Variants in GRHL2 observed in about 807,000 individuals in gnomAD.
GRHL2 encodes grainyhead like transcription factor 2, also known as grainyhead-like protein 2 homolog.
GRHL2 carries 21 observed loss-of-function variants against 83.8 expected under a neutral mutation model. The observed-to-expected ratio is 0.25, with a 90% CI of 0.18 to 0.36. GRHL2 has a LOEUF of 0.36. Among genes scored for constraint, GRHL2 ranks in the 10% least tolerant of loss-of-function variants. The pLI is 1.00. For synonymous variants in GRHL2, 280 were observed against 278.9 expected (o/e 1.00, Z -0.04); for missense variants, 623 against 781.8 (o/e 0.80, Z 2.42).
At position 101,543,250 on chromosome 8, in the gene GRHL2, A is replaced by G; in HGVS notation, c.30A>G (p.Arg10=). The change falls in exon 2 of 16, where the codon AGA becomes AGG. Residue 10 remains arginine (R), a synonymous_variant. Transcript: ENST00000646743. MSQESDNNK[R]LVALVPMPSD... ...TCTCTTGTTTTTACAGTAATAAAAG[A>G]CTAGTGGCCTTAGTGCCCATGCCCA... The G allele has an allele frequency of 6.2e-7, 1 of 1,613,834 alleles. No individual in the cohort carries two copies. Among genetic ancestry groups the G allele is most frequent in the Non-Finnish European group, 8.5e-7 (1 of 1,179,684 alleles).
intron 4 of GRHL2, chr8:101,562,479 C>T (rs930946776): frequency 4.7e-5 from 16 of 338,078 alleles, no homozygotes; most frequent in Non-Finnish European, 8.7e-5. Context: ...TAACACTTCT[C>T]AATATGCATA....
At chr8:101,503,434 C>A (rs928785016) in intron 1 of GRHL2, among the ~76,000 whole-genome samples, 3 of 152,150 alleles carry the variant, frequency 2.0e-5, no homozygotes, top group African/African-American at 4.8e-5. Context: ...GATGATATAA[C>A]AGAGATATTC....
chr8:101,577,144 G>A (rs1340825991), intron 6 of GRHL2, among the ~76,000 whole-genome samples: 7 of 151,924 alleles, frequency 4.6e-5, no homozygotes, highest in African/African-American at 1.7e-4. Flanking sequence ...GGTTAATCCA[G>A]TTGTTTATAA....
chr8:101,562,777 T>G (rs1362478814), intron 4 of GRHL2, among the ~76,000 whole-genome samples: 1 of 152,186 alleles, frequency 6.6e-6, no homozygotes, highest in African/African-American at 2.4e-5. Context: ...CTTCACTGTT[T>G]AGGAGCACTG....
intron 1 of GRHL2, among the ~76,000 whole-genome samples, chr8:101,527,661 T>C (rs1248994446): frequency 6.6e-6 from 1 of 152,260 alleles, no homozygotes; most frequent in African/African-American, 2.4e-5. Flanking sequence ...TATTCTCTGA[T>C]GGCTGTATCA....
At chr8:101,652,421 GTGTGGTGTGT>G (rs1813664989) in intron 14 of GRHL2, among the ~76,000 whole-genome samples, 6 of 85,668 alleles carry the variant, frequency 7.0e-5, no homozygotes, top group African/African-American at 1.3e-4. Context: ...TGGTGTGTGT[GTGTGGTGTGT>G]GTGTCTGGTG....
At chr8:101,601,992 G>A (rs1048850951) in intron 8 of GRHL2, among the ~76,000 whole-genome samples, 8 of 151,910 alleles carry the variant, frequency 5.3e-5, no homozygotes, top group African/African-American at 1.7e-4. Flanking sequence ...CCCACCCCTC[G>A]ACAGGCCCTG....
At chr8:101,536,508 G>T (rs2130100020) in intron 1 of GRHL2, among the ~76,000 whole-genome samples, 1 of 152,300 alleles carries the variant, frequency 6.6e-6, no homozygotes, top group Admixed American at 6.5e-5. Flanking sequence ...TGTCTACATT[G>T]GGATACTTCT....
intron 7 of GRHL2, among the ~76,000 whole-genome samples, chr8:101,597,847 A>G (rs1812423674): frequency 6.6e-6 from 1 of 152,202 alleles, no homozygotes; most frequent in East Asian, 1.9e-4. Flanking sequence ...AAAAAAAGAA[A>G]AAAAGAAATA....
chr8:101,551,674 C>T (rs1290730032), intron 2 of GRHL2, among the ~76,000 whole-genome samples: 1 of 149,928 alleles, frequency 6.7e-6, no homozygotes, highest in Non-Finnish European at 1.5e-5. Flanking sequence ...TTCAATCAAC[C>T]AACCCAATTG....
downstream of GRHL2, among the ~76,000 whole-genome samples, chr8:101,672,021 CAGAA>C (rs1814219194): frequency 6.6e-6 from 1 of 151,872 alleles, no homozygotes; most frequent in African/African-American, 2.4e-5. Flanking sequence ...AACTAACAAA[CAGAA>C]AGGACATCCA....
At chr8:101,653,720 A>C (rs10955268) in intron 14 of GRHL2, among the ~76,000 whole-genome samples, 59,201 of 150,762 alleles carry the variant, frequency 0.39, 14,071 homozygotes, top group African/African-American at 0.67. Flanking sequence ...CCAGACTGGG[A>C]GAGAGTGACT....
chr8:101,664,359 GA>G, intron 14 of GRHL2, 94 bp from the exon 15 acceptor site: 7 of 868,344 alleles, frequency 8.1e-6, no homozygotes, highest in South Asian at 6.7e-5. Flanking sequence ...CTATCCCTGG[GA>G]AAATGTCCAA....
rs1367017355 is a variant in GRHL2, at chr8:101,635,167, T to C, written c.1486-1730T>C. 2.4e-4 allele frequency among the ~76,000 whole-genome samples: 37 copies of C among 152,226 alleles called. 1 individual carries two copies. Among genetic ancestry groups the C allele is most frequent in the Admixed American group, 2.4e-3 (37 of 15,278 alleles). ...CATCACAGGAGTTCTTGATAAGGAT[T>C]CGGATTCCTGAGTTCCATCCTTCAT... is the stretch of plus-strand genomic sequence containing the variant. On this transcript the variant is annotated intron_variant, in intron 11 of 15. Coordinates refer to ENST00000646743, the MANE Select transcript of GRHL2 (RefSeq NM_024915.4).
In GRHL2 at chr8:101,492,500, C is replaced by G; in HGVS notation, c.-270C>G. The G allele has an allele frequency of 1.7e-6, 1 of 580,182 alleles. No homozygotes were observed. The highest frequency in any genetic ancestry group is 3.1e-6 in the Non-Finnish European group (1 of 324,066). The allele number at this position is 580,182 out of a possible 1,614,324, so 35.9% of individuals were successfully genotyped here. The stretch of plus-strand genomic sequence containing the variant: ...TCTGCTCTGTGTCTGCCCATTGCCA[C>G]GATCCAGGAGGACTCCGCGCCGCCC... On this transcript the variant is annotated 5_prime_UTR_variant, in exon 1 of 16. Coordinates refer to ENST00000646743, the MANE Select transcript of GRHL2 (RefSeq NM_024915.4).
intron 4 of GRHL2, among the ~76,000 whole-genome samples, chr8:101,563,131 G>A (rs899613959): frequency 1.3e-5 from 2 of 152,144 alleles, no homozygotes; most frequent in Non-Finnish European, 2.9e-5. Flanking sequence ...TCTAAATGAG[G>A]AAACTGAGGG....
intron 2 of GRHL2, among the ~76,000 whole-genome samples, chr8:101,548,296 G>A (rs559154265): frequency 2.6e-5 from 4 of 152,152 alleles, no homozygotes; most frequent in South Asian, 2.1e-4. Context: ...AGAGATCACC[G>A]ACAATCACAG....
At chr8:101,604,681 A>C (rs1366326983) in intron 8 of GRHL2, among the ~76,000 whole-genome samples, 1 of 152,160 alleles carries the variant, frequency 6.6e-6, no homozygotes, top group East Asian at 1.9e-4. Flanking sequence ...TAAGATTAAA[A>C]AAAGCCTTCT....
chr8:101,518,779 T>A (rs1810623195), intron 1 of GRHL2, among the ~76,000 whole-genome samples: 1 of 152,236 alleles, frequency 6.6e-6, no homozygotes, highest in East Asian at 1.9e-4. Context: ...TCTGCTAAAG[T>A]CTGAAAGTGG....
Sources: gnomAD v4.1 joint callset for allele counts (sites outside exome capture counted in the v4.1 genomes callset) on GRCh38, gnomAD v4.1.1 for gene constraint, MANE v1.5 for transcripts, NCBI Gene and HGNC (gene_info 2026-07-23, HGNC 2026-07-21) for gene names.